DNAH8: variants seen among roughly 807,000 people sequenced by gnomAD.
The protein encoded by DNAH8 is dynein axonemal heavy chain 8, also known as axonemal beta dynein heavy chain 8.
A neutral mutation model predicts 562.1 loss-of-function variants in DNAH8; 382 were observed. The observed-to-expected ratio is 0.68, with a 90% CI of 0.63 to 0.74. The LOEUF is 0.74. Ranked by LOEUF, DNAH8 falls within the 30% of genes least tolerant of loss-of-function variation. The probability of loss-of-function intolerance (pLI) is 0.00; values close to 1 mark genes in which losing one functional copy is unlikely to be tolerated. For synonymous variants in DNAH8, 1,881 were observed against 1,919.4 expected (o/e 0.98, Z 0.52); for missense variants, 5,203 against 5,620.4 (o/e 0.93, Z 2.37).
rs367806297 is a variant in DNAH8, at chr6:38,737,052, A to G, written c.763-15A>G. On this transcript the variant is annotated splice_polypyrimidine_tract_variant and intron_variant, in intron 5 of 92. Coordinates refer to ENST00000327475, the MANE Select transcript of DNAH8 (RefSeq NM_001206927.2). ...GATTAGCATGTAAAATAACATTTAA[A>G]CTCCACCCTTTCAGGAAGCGCTCTT... 8 of 1,504,978 alleles carry G rather than the reference A, an allele frequency of 5.3e-6. No individual in the cohort carries two copies. The highest frequency in any genetic ancestry group is 2.6e-5 in the Admixed American group (1 of 38,794). 93.2% of individuals were successfully genotyped at this position (1,504,978 alleles called of 1,614,324 possible). A position where few individuals can be genotyped will look rare whatever the true frequency, so the allele number is the denominator to read the frequency against.
chr6:38,819,841 A>G lies in DNAH8; in HGVS notation c.3524-2997A>G, dbSNP rs188285448. Among the ~76,000 whole-genome samples the G allele has an allele frequency of 3.7e-4, 56 of 152,288 alleles. 1 individual carries two copies. In the East Asian group the frequency reaches 6.4e-3, roughly 17 times the overall value. On this transcript the variant is annotated intron_variant, in intron 26 of 92. Coordinates refer to ENST00000327475, the MANE Select transcript of DNAH8 (RefSeq NM_001206927.2). ...TTTACATTTACCAGTAATACAATTA[A>G]TGTATAATAGAAACACAGATTTTTT...
chr6:39,001,703 A>G (rs1349054566), intron 88 of DNAH8, among the ~76,000 whole-genome samples: 1 of 152,210 alleles, frequency 6.6e-6, no homozygotes, highest in Non-Finnish European at 1.5e-5. Context: ...TTTGTATGCC[A>G]TGTGAAAGAC....
At chr6:39,005,126 A>C (rs959255785) in intron 88 of DNAH8, among the ~76,000 whole-genome samples, 2 of 152,236 alleles carry the variant, frequency 1.3e-5, no homozygotes, top group Admixed American at 1.3e-4. Context: ...AAGTGACTGC[A>C]TCAGGCCGGG....
At chr6:38,728,029 G>C (rs1323248470) in intron 3 of DNAH8, among the ~76,000 whole-genome samples, 1 of 152,078 alleles carries the variant, frequency 6.6e-6, no homozygotes, top group Non-Finnish European at 1.5e-5. Flanking sequence ...GCAGTGGTAT[G>C]ATTACAGCTC....
chr6:38,971,697 A>G (rs1316923416), intron 83 of DNAH8, 32 bp downstream of exon 83: 4 of 1,509,212 alleles, frequency 2.7e-6, no homozygotes, highest in African/African-American at 1.4e-5. Flanking sequence ...CTGCTGCAAC[A>G]TTATTGCTAG....
At chr6:38,867,404 G>A (rs556961933) in intron 47 of DNAH8, among the ~76,000 whole-genome samples, 1 of 152,032 alleles carries the variant, frequency 6.6e-6, no homozygotes, top group Non-Finnish European at 1.5e-5. Flanking sequence ...AGAATGTTAT[G>A]TAAACGGAAT....
intron 41 of DNAH8, 86 bp downstream of exon 41, chr6:38,853,433 T>C: frequency 2.1e-6 from 3 of 1,422,340 alleles, no homozygotes; most frequent in Non-Finnish European, 2.9e-6. Context: ...CCTGATGGTG[T>C]GAGGCAATTG....
chr6:38,720,292 C>T (rs1317894780), intron 1 of DNAH8, among the ~76,000 whole-genome samples: 1 of 152,156 alleles, frequency 6.6e-6, no homozygotes, highest in East Asian at 1.9e-4. Context: ...GATAGGACTA[C>T]CATCCCCATT....
chr6:38,815,583 A>G lies in DNAH8; in HGVS notation c.3449A>G (p.Lys1150Arg). ...GGGCAACAGCAAATCCGTCCCATCA[A>G]GTCTGTCATTCCCAGCCCCACCACT... ...HWGQQQIRPI[K>R]SVIPSPTTTD... The change falls in exon 26 of 93, where the codon AAG becomes AGG. Residue 1150 changes from lysine (K) to arginine (R), a missense_variant. Lys to Arg is a conservative substitution (Grantham distance 26). Transcript: ENST00000327475. 6.2e-7 allele frequency: 1 copy of G among 1,614,056 alleles called. No homozygotes were observed.
At position 38,845,715 on chromosome 6, in the gene DNAH8, G is replaced by A. The variant is rs1203462930; in HGVS notation, c.4987G>A (p.Glu1663Lys). 1 of 1,613,968 alleles carries A rather than the reference G, an allele frequency of 6.2e-7. No individual in the cohort carries two copies. The highest frequency in any genetic ancestry group is 1.1e-5 in the South Asian group (1 of 91,086). ...CCTGCTCAAAGGAACCGAATCGGGAGAAATTATCACTTTGATGGAGGATAG... is the reference window on the plus strand; with the variant it reads ...CCTGCTCAAAGGAACCGAATCGGGAAAAATTATCACTTTGATGGAGGATAG... ...ELLLKGTESG[E>K]IITLMEDSLM... is the part of the protein sequence containing the mutation. The change falls in exon 36 of 93, where the codon GAA (glutamate) becomes AAA (lysine). Residue 1663 changes from glutamate to lysine, a missense_variant. Physicochemically the swap from Glu to Lys is moderately conservative, Grantham distance 56. This residue lies in a region of DNAH8 where 2,176 missense variants were observed against 2,365.1 expected (regional missense o/e 0.92). Coordinates refer to ENST00000327475, the MANE Select transcript of DNAH8 (RefSeq NM_001206927.2).
chr6:38,867,006 A>T (rs1053788470), intron 47 of DNAH8, 130 bp downstream of exon 47: 16 of 593,302 alleles, frequency 2.7e-5, no homozygotes, highest in Non-Finnish European at 4.1e-5. Context: ...TTTAGAATTA[A>T]TTTTACCTAT....
At chr6:38,887,374 A>G (rs1355280446) in intron 57 of DNAH8, among the ~76,000 whole-genome samples, 5 of 152,242 alleles carry the variant, frequency 3.3e-5, no homozygotes, top group Admixed American at 6.5e-5. Flanking sequence ...TGAAAATGAG[A>G]TTCTTGACAT....
chr6:38,867,669 C>T lies in DNAH8; in HGVS notation c.6694-393C>T, dbSNP rs372744758. On this transcript the variant is annotated intron_variant, in intron 47 of 92. Transcript: ENST00000327475. ...TGGGGAGGCTGAGGCAGGAGAATTGCTTGAACCCGGGAGGTGGTGGTTGCA... is the reference window on the plus strand; with the variant it reads ...TGGGGAGGCTGAGGCAGGAGAATTGTTTGAACCCGGGAGGTGGTGGTTGCA... 9.0e-4 allele frequency among the ~76,000 whole-genome samples: 131 copies of T among 146,322 alleles called. 1 individual carries two copies. The South Asian group carries it at 0.028, about 31-fold the overall frequency.
At chr6:39,027,238 A>G (rs1020747581) in intron 92 of DNAH8, among the ~76,000 whole-genome samples, 4 of 151,940 alleles carry the variant, frequency 2.6e-5, no homozygotes, top group Non-Finnish European at 4.4e-5. Context: ...CTGTCTTAAT[A>G]AATAAATAAA....
intron 36 of DNAH8, 79 bp downstream of exon 36, chr6:38,845,852 G>C: frequency 1.6e-6 from 2 of 1,229,308 alleles, no homozygotes; most frequent in Non-Finnish European, 2.3e-6. Context: ...CAGTTTTAAA[G>C]CTCTTTCATT....
Position 38,722,781 on chromosome 6 carries a change from G to A in DNAH8, c.-29G>A, listed in dbSNP as rs1190122893. ...AACCTATGTTATAATTCTAGGTTTC[G>A]AAGTATAAAGCATTCCGCACGACGG... On this transcript the variant is annotated 5_prime_UTR_variant, in exon 2 of 93. Transcript: ENST00000327475. 1 of 1,528,022 alleles carries A rather than the reference G, an allele frequency of 6.5e-7. No individual in the cohort carries two copies. Among genetic ancestry groups the A allele is most frequent in the East Asian group, 2.3e-5 (1 of 43,910 alleles). 94.7% of individuals were successfully genotyped at this position (1,528,022 alleles called of 1,614,324 possible). A position where few individuals can be genotyped will look rare whatever the true frequency, so the allele number is the denominator to read the frequency against.
At chr6:38,720,819 G>C (rs374158084) in intron 1 of DNAH8, among the ~76,000 whole-genome samples, 3 of 150,824 alleles carry the variant, frequency 2.0e-5, no homozygotes, top group African/African-American at 7.3e-5. Context: ...ATAGCACTGA[G>C]GAAGCTCAGT....
chr6:38,720,920 A>G (rs1428367091), intron 1 of DNAH8, among the ~76,000 whole-genome samples: 2 of 152,182 alleles, frequency 1.3e-5, no homozygotes, highest in Non-Finnish European at 1.5e-5. Flanking sequence ...AAATTTTGGA[A>G]TTAAGAAAGA....
chr6:38,908,327 A>G (rs1452831747), intron 64 of DNAH8, among the ~76,000 whole-genome samples: 2 of 152,226 alleles, frequency 1.3e-5, no homozygotes, highest in African/African-American at 4.8e-5. Flanking sequence ...AAAATACTGC[A>G]TAACCTGCAA....
Sources: gnomAD v4.1 joint callset for allele counts (sites outside exome capture counted in the v4.1 genomes callset) on GRCh38, gnomAD v4.1.1 for gene constraint, gnomAD v4.1.1 regional missense constraint, MANE v1.5 for transcripts, NCBI Gene and HGNC (gene_info 2026-07-23, HGNC 2026-07-21) for gene names.